The following PCDHGB5 variants were observed in gnomAD, a reference collection of about 807,000 sequenced individuals.
The protein encoded by PCDHGB5 is protocadherin gamma subfamily B, 5.
Under a neutral mutation model 62.9 loss-of-function variants are expected in PCDHGB5, and 48 were observed. That is an observed-to-expected ratio of 0.76 (90% CI 0.61 to 0.97). The LOEUF (loss-of-function observed/expected upper bound fraction) is 0.97. Ranked by LOEUF, PCDHGB5 falls within the 50% of genes least tolerant of loss-of-function variation. PCDHGB5 has a pLI of 0.00. For missense variants in PCDHGB5, 1,118 were observed against 1,198.6 expected (o/e 0.93, Z 0.99); for synonymous variants, 474 against 511.2 (o/e 0.93, Z 0.98).
intron 2 of PCDHGB5, among the ~76,000 whole-genome samples, chr5:141,498,848 G>T (rs930895553): frequency 6.6e-6 from 1 of 151,908 alleles, no homozygotes; most frequent in African/African-American, 2.4e-5. Context: ...CAGGGGAATC[G>T]CTTGAACCCA....
At chr5:141,450,147 C>T (rs1322871298) in intron 1 of PCDHGB5, among the ~76,000 whole-genome samples, 2 of 151,774 alleles carry the variant, frequency 1.3e-5, no homozygotes, top group African/African-American at 4.8e-5. Context: ...GCTGGGACTA[C>T]AGGCATGTGC....
chr5:141,400,525 G>A lies in PCDHGB5; in HGVS notation c.2397+1G>A. ...CGAGTCGACTTCCCATCCTGAGTTG[G>A]TGAGTTTCATTTATGTCTATTCTTT... On this transcript the variant is annotated splice_donor_variant, in intron 1 of 3. Transcript: ENST00000617380. LOFTEE classifies it high-confidence loss of function. 1 of 1,613,908 alleles carries A rather than the reference G, an allele frequency of 6.2e-7. No individual in the cohort carries two copies. Among genetic ancestry groups the A allele is most frequent in the Non-Finnish European group, 8.5e-7 (1 of 1,179,816 alleles).
chr5:141,494,906 A>T, intron 2 of PCDHGB5, 41 bp downstream of exon 2: 1 of 1,613,800 alleles, frequency 6.2e-7, no homozygotes, highest in Non-Finnish European at 8.5e-7. Flanking sequence ...TCTCTGCGGC[A>T]TTTTCTCAGG....
chr5:141,444,695 CCT>C (rs2154560766), intron 1 of PCDHGB5, among the ~76,000 whole-genome samples: 1 of 152,134 alleles, frequency 6.6e-6, no homozygotes, highest in South Asian at 2.1e-4. Flanking sequence ...AAAATATTTT[CCT>C]CTTTCTGTTG....
chr5:141,484,426 C>T (rs377504062), intron 1 of PCDHGB5, among the ~76,000 whole-genome samples: 1 of 152,188 alleles, frequency 6.6e-6, no homozygotes, highest in African/African-American at 2.4e-5. Context: ...ACAATGAGAA[C>T]ATGTACTGCA....
At chr5:141,483,258 T>G (rs2099579023) in intron 1 of PCDHGB5, among the ~76,000 whole-genome samples, 1 of 137,930 alleles carries the variant, frequency 7.3e-6, no homozygotes, top group South Asian at 2.1e-4. Flanking sequence ...TCATGAGGTT[T>G]TTTTGTTTTA....
intron 1 of PCDHGB5, among the ~76,000 whole-genome samples, chr5:141,484,122 T>C (rs1343894991): frequency 6.6e-6 from 1 of 152,180 alleles, no homozygotes; most frequent in African/African-American, 2.4e-5. Context: ...CAAGAATACC[T>C]TGGTGTCAGA....
At chr5:141,461,291 C>A (rs892436619) in intron 1 of PCDHGB5, among the ~76,000 whole-genome samples, 1 of 152,128 alleles carries the variant, frequency 6.6e-6, no homozygotes, top group African/African-American at 2.4e-5. Flanking sequence ...CACATCCACA[C>A]CAACATCTAT....
chr5:141,414,007 A>G (rs1047239460), intron 1 of PCDHGB5: 2 of 1,613,292 alleles, frequency 1.2e-6, no homozygotes, highest in Non-Finnish European at 1.7e-6. Flanking sequence ...CGAAGGTGCC[A>G]ATGGAGAAGT....
At chr5:141,465,779 G>A (rs1199779963) in intron 1 of PCDHGB5, among the ~76,000 whole-genome samples, 2 of 145,170 alleles carry the variant, frequency 1.4e-5, no homozygotes, top group African/African-American at 5.0e-5. Flanking sequence ...TCTTGTTACA[G>A]TTTTTTTTTT....
chr5:141,476,281 T>G lies in PCDHGB5; in HGVS notation c.2398-18526T>G. On this transcript the variant is annotated intron_variant, in intron 1 of 3. Coordinates refer to ENST00000617380, the MANE Select transcript of PCDHGB5 (RefSeq NM_018925.3). This position sits in a 1 kb window ranked among gnomAD's most constrained non-coding sequence, Gnocchi z 7.6. ...TGGGCAACGTGGTCGCGAACCTTGGTTTGGATCTCGGTAGCCTCTCAGCCC... is the reference window on the plus strand; with the variant it reads ...TGGGCAACGTGGTCGCGAACCTTGGGTTGGATCTCGGTAGCCTCTCAGCCC... 1 of 1,614,048 alleles carries G rather than the reference T, an allele frequency of 6.2e-7. No homozygotes were observed. The highest frequency in any genetic ancestry group is 1.1e-5 in the South Asian group (1 of 91,062).
chr5:141,493,983 A>G lies in PCDHGB5; in HGVS notation c.2398-824A>G, dbSNP rs2099751203. Among the ~76,000 whole-genome samples the G allele has an allele frequency of 6.6e-6, 1 of 152,194 alleles. No homozygotes were observed. The highest frequency in any genetic ancestry group is 6.5e-5 in the Admixed American group (1 of 15,278). ...TGGCTGGCCAGAGCCCCACACCTTC[A>G]GCTAGGTGGGAGATGGCTACACATC... On this transcript the variant is annotated intron_variant, in intron 1 of 3. Coordinates refer to ENST00000617380, the MANE Select transcript of PCDHGB5 (RefSeq NM_018925.3). The surrounding 1 kb of genome is among the most constrained non-coding windows in gnomAD (Gnocchi z 4.3).
At chr5:141,437,654 A>C (rs185455660) in intron 1 of PCDHGB5, among the ~76,000 whole-genome samples, 1 of 152,256 alleles carries the variant, frequency 6.6e-6, no homozygotes, top group African/African-American at 2.4e-5. Context: ...GCAAACACAT[A>C]GTTTCGAAGA....
At chr5:141,463,438 CTTTTTTTTTTTTTT>C (rs71576115) in intron 1 of PCDHGB5, among the ~76,000 whole-genome samples, 7 of 103,256 alleles carry the variant, frequency 6.8e-5, no homozygotes, top group Non-Finnish European at 9.4e-5. Flanking sequence ...TTTCCTTCTC[CTTTTTTTTTTTTTT>C]TTTTTTTTTT....
intron 1 of PCDHGB5, chr5:141,421,506 G>T: frequency 6.2e-7 from 1 of 1,614,076 alleles, no homozygotes; most frequent in Non-Finnish European, 8.5e-7. Context: ...GGATAGACCG[G>T]GAGGAGCTCT....
rs370237298 is a variant in PCDHGB5 at position 141,487,298 on chromosome 5, G to A, written c.2398-7509G>A. ...TTGCTTTGTCTCCTTTGGCTCATTCGTGGCACTACTCTCTAAGTGTCTTCG... is the reference window on the plus strand; with the variant it reads ...TTGCTTTGTCTCCTTTGGCTCATTCATGGCACTACTCTCTAAGTGTCTTCG... On this transcript the variant is annotated intron_variant, in intron 1 of 3. Coordinates refer to ENST00000617380, the MANE Select transcript of PCDHGB5 (RefSeq NM_018925.3). The surrounding 1 kb of genome is among the most constrained non-coding windows in gnomAD (Gnocchi z 5.0). The A allele has an allele frequency of 3.2e-5, 51 of 1,614,072 alleles. 1 individual carries two copies. Among genetic ancestry groups the A allele is most frequent in the South Asian group, 5.5e-5 (5 of 91,082 alleles).
At chr5:141,460,991 A>G (rs889917939) in intron 1 of PCDHGB5, among the ~76,000 whole-genome samples, 39 of 141,522 alleles carry the variant, frequency 2.8e-4, no homozygotes, top group East Asian at 1.0e-3. Flanking sequence ...GTGTATATAT[A>G]TATATGTGTA....
chr5:141,499,479 C>T (rs1019775735), intron 2 of PCDHGB5, among the ~76,000 whole-genome samples: 1 of 152,146 alleles, frequency 6.6e-6, no homozygotes. Context: ...AGAACCACCA[C>T]CAACTACAGT....
chr5:141,417,387 G>GA (rs1356605500), intron 1 of PCDHGB5: 1 of 154,090 alleles, frequency 6.5e-6, no homozygotes, highest in Non-Finnish European at 1.4e-5. Context: ...AAATTTTGAA[G>GA]AAAAAATATT....
Sources: allele counts gnomAD v4.1 joint callset (sites outside exome capture counted in the v4.1 genomes callset), GRCh38; gene constraint gnomAD v4.1.1; non-coding constraint Gnocchi (gnomAD v3.1); transcripts MANE v1.5; gene names NCBI Gene and HGNC (gene_info 2026-07-23, HGNC 2026-07-21).